The following LRRCC1 variants were observed in gnomAD, a reference collection of about 807,000 sequenced individuals.
LRRCC1 encodes leucine-rich repeat and coiled-coil domain-containing protein 1.
LRRCC1 carries 115 observed loss-of-function variants against 126.0 expected under a neutral mutation model. That is an observed-to-expected ratio of 0.91 (90% CI 0.78 to 1.07). LRRCC1 has a LOEUF of 1.07. Among genes scored for constraint, LRRCC1 ranks in the 50% least tolerant of loss-of-function variants. The pLI, the probability that LRRCC1 is intolerant of heterozygous loss-of-function variation, is 0.00. For synonymous variants in LRRCC1, 400 were observed against 393.4 expected, an observed-to-expected ratio of 1.02 and a Z score of -0.20; for missense variants, 1,172 against 1,175.7, an observed-to-expected ratio of 1.00 and a Z score of 0.05.
chr8:85,126,696 T>C lies in LRRCC1; in HGVS notation c.1280T>C (p.Val427Ala), dbSNP rs1471536482. 6.2e-7 allele frequency: 1 copy of C among 1,610,442 alleles called. No individual in the cohort carries two copies. The highest frequency in any genetic ancestry group is 1.7e-5 in the Admixed American group (1 of 59,238). ...TTTGTTGTTTTCTTTCAGTCCCTTG[T>C]TGAACAGCTAGACCAAGAGAGAGAG... is the stretch of plus-strand genomic sequence containing the variant. ...HSEDNTYQSL[V>A]EQLDQEREKR... Residue 427 changes from valine (V) to alanine (A), a missense_variant, in exon 9 of 19, where the codon GTT (valine) becomes GCT (alanine). By Grantham distance (64) the Val-to-Ala change is moderately conservative (BLOSUM62 0). Transcript: ENST00000360375.
intron 1 of LRRCC1, among the ~76,000 whole-genome samples, chr8:85,108,083 A>G (rs935402257): frequency 2.6e-5 from 4 of 152,318 alleles, no homozygotes; most frequent in South Asian, 2.1e-4. Flanking sequence ...GACCCGTAAC[A>G]TTTCTCCACT....
chr8:85,140,550 G>A (rs1055246651), intron 17 of LRRCC1, among the ~76,000 whole-genome samples: 43 of 152,234 alleles, frequency 2.8e-4, no homozygotes, highest in African/African-American at 1.0e-3. Flanking sequence ...AGTATTATTT[G>A]TATTTATATA....
intron 12 of LRRCC1, among the ~76,000 whole-genome samples, chr8:85,132,509 C>T (rs1587425194): frequency 6.6e-6 from 1 of 151,348 alleles, no homozygotes; most frequent in East Asian, 2.0e-4. Context: ...TCTGCTGTCT[C>T]AGCCTCCCAA....
chr8:85,110,241 C>A (rs1808602159), intron 3 of LRRCC1, 61 bp downstream of exon 3: 1 of 683,500 alleles, frequency 1.5e-6, no homozygotes, highest in East Asian at 3.0e-5. Flanking sequence ...GATAAGTTAA[C>A]AGCTCAGCTA....
intron 18 of LRRCC1, 112 bp from the exon 19 acceptor site, chr8:85,145,277 T>C: frequency 2.6e-6 from 2 of 783,602 alleles, no homozygotes; most frequent in Non-Finnish European, 3.8e-6. Flanking sequence ...TTTAAATACA[T>C]CACAAATTTC....
At chr8:85,125,534 G>A (rs1263465150) in intron 8 of LRRCC1, among the ~76,000 whole-genome samples, 2 of 148,526 alleles carry the variant, frequency 1.3e-5, no homozygotes, top group Non-Finnish European at 3.0e-5. Context: ...TTAGCCGGGC[G>A]TAGTGGCGGG....
At chr8:85,139,616 T>C (rs1811127243) in intron 17 of LRRCC1, among the ~76,000 whole-genome samples, 1 of 152,206 alleles carries the variant, frequency 6.6e-6, no homozygotes, top group Non-Finnish European at 1.5e-5. Flanking sequence ...GCTGCCACTG[T>C]TCTGTGGGTT....
chr8:85,142,207 T>C (rs532158748), intron 18 of LRRCC1, among the ~76,000 whole-genome samples: 4 of 152,122 alleles, frequency 2.6e-5, no homozygotes, highest in African/African-American at 7.2e-5. Context: ...GGTAGGAGAA[T>C]GGCTTGAACC....
chr8:85,129,959 C>T lies in LRRCC1; in HGVS notation c.1667C>T (p.Ala556Val). Residue 556 changes from alanine (A) to valine (V), a missense_variant, in exon 11 of 19, where the codon GCC becomes GTC. Physicochemically the swap from Ala to Val is moderately conservative, Grantham distance 64. Transcript: ENST00000360375. ...GAGGTGGAACTCAAAGCTTCAGCTG[C>T]CGATAGAGAAATATACTTACTTAGA... ...IQEVELKASA[A>V]DREIYLLRTS... The T allele has an allele frequency of 6.3e-7, 1 of 1,595,308 alleles. No individual in the cohort carries two copies. The highest frequency in any genetic ancestry group is 8.5e-7 in the Non-Finnish European group (1 of 1,173,294).
At chr8:85,144,402 ATGTGTGTGTGTG>A (rs56280153) in intron 18 of LRRCC1, among the ~76,000 whole-genome samples, 7 of 138,088 alleles carry the variant, frequency 5.1e-5, no homozygotes, top group East Asian at 2.2e-4. Flanking sequence ...TAGAGTTAAA[ATGTGTGTGTGTG>A]TGTGTGTGTG....
chr8:85,119,116 AAAATC>A (rs1809329462), intron 6 of LRRCC1, among the ~76,000 whole-genome samples: 2 of 152,032 alleles, frequency 1.3e-5, no homozygotes, highest in Admixed American at 6.6e-5. Flanking sequence ...CTTGAAAAAA[AAAATC>A]AAATCAACTT....
intron 3 of LRRCC1, among the ~76,000 whole-genome samples, chr8:85,111,542 T>A (rs759552691): frequency 2.6e-5 from 4 of 152,188 alleles, no homozygotes; most frequent in Admixed American, 6.6e-5. Context: ...TATGGAACAG[T>A]GTCTTATAGT....
chr8:85,112,547 C>T (rs1407470675), intron 3 of LRRCC1, among the ~76,000 whole-genome samples: 1 of 152,126 alleles, frequency 6.6e-6, no homozygotes, highest in Non-Finnish European at 1.5e-5. Context: ...ATATTCAAAC[C>T]AGCAAAATTG....
intron 18 of LRRCC1, among the ~76,000 whole-genome samples, chr8:85,142,760 G>T (rs1811342159): frequency 6.7e-6 from 1 of 150,342 alleles, no homozygotes; most frequent in Non-Finnish European, 1.5e-5. Context: ...AGCCCTGGAG[G>T]CAGAGGTTTC....
chr8:85,129,141 A>G, intron 9 of LRRCC1, 34 bp from the exon 10 acceptor site: 3 of 1,433,462 alleles, frequency 2.1e-6, no homozygotes, highest in South Asian at 2.4e-5. Flanking sequence ...TATATGTGTA[A>G]TATACTTAAC....
rs1809844971 is a variant in LRRCC1 at position 85,124,819 on chromosome 8, CCTTAAAGAATT to C, written c.1153_1163del (p.Leu385IlefsTer21). On this transcript the variant is annotated frameshift_variant, in exon 8 of 19. Transcript: ENST00000360375. LOFTEE classifies it high-confidence loss of function. ...GTAATCGTAAAATGAAACCACCTTA[CCTTAAAGAATT>C]ATATGTAAGCTCATCTTTAGCAAAC... 5 of 1,576,428 alleles carry C rather than the reference CCTTAAAGAATT, an allele frequency of 3.2e-6. No individual in the cohort carries two copies. The highest frequency in any genetic ancestry group is 4.3e-6 in the Non-Finnish European group (5 of 1,159,020).
In LRRCC1 at chr8:85,145,816, T is replaced by G; in HGVS notation, c.*305T>G. On this transcript the variant is annotated 3_prime_UTR_variant, in exon 19 of 19. Coordinates refer to ENST00000360375, the MANE Select transcript of LRRCC1 (RefSeq NM_033402.5). ...CCTACAAATTTGTGAATGAAAAGAT[T>G]AGTATTTTCACCATATGAGGTAAAA... 1 of 162,650 alleles carries G rather than the reference T, an allele frequency of 6.1e-6. No homozygotes were observed. The allele number at this position is 162,650 out of a possible 1,614,324, so 10.1% of individuals were successfully genotyped here.
At chr8:85,144,211 G>A (rs1358087039) in intron 18 of LRRCC1, among the ~76,000 whole-genome samples, 1 of 151,888 alleles carries the variant, frequency 6.6e-6, no homozygotes, top group Admixed American at 6.6e-5. Flanking sequence ...GTTTCTTTGG[G>A]GAGGGAGGTT....
chr8:85,134,093 A>G (rs1332838346), intron 12 of LRRCC1, among the ~76,000 whole-genome samples: 2 of 151,596 alleles, frequency 1.3e-5, no homozygotes, highest in Admixed American at 1.3e-4. Context: ...TCCATTCCCT[A>G]CCTCCTTCCA....
Sources: gnomAD v4.1 joint callset for allele counts (sites outside exome capture counted in the v4.1 genomes callset) on GRCh38, gnomAD v4.1.1 for gene constraint, MANE v1.5 for transcripts, NCBI Gene and HGNC (gene_info 2026-07-23, HGNC 2026-07-21) for gene names.